The following CHST8 variants were observed in gnomAD, a reference collection of about 807,000 sequenced individuals.
CHST8 encodes GALNAC-4-ST1.
CHST8 carries 10 observed loss-of-function variants against 15.0 expected under a neutral mutation model. The ratio of observed to expected loss-of-function variants is 0.67; its 90% CI spans 0.41 to 1.13. The LOEUF is 1.13. Among genes scored for constraint, CHST8 ranks in the 50% most tolerant of loss-of-function variants. The pLI, the probability that CHST8 is intolerant of heterozygous loss-of-function variation, is 0.00. For missense variants in CHST8, 634 were observed against 608.2 expected (o/e 1.04, Z -0.45); for synonymous variants, 259 against 256.6 (o/e 1.01, Z -0.09).
chr19:33,652,325 G>T (rs1326437662), intron 1 of CHST8, among the ~76,000 whole-genome samples: 1 of 143,438 alleles, frequency 7.0e-6, no homozygotes, highest in African/African-American at 2.6e-5. Flanking sequence ...AAGTTTAGTT[G>T]GTTTTCTTTT....
At chr19:33,674,045 C>T (rs961875667) in intron 2 of CHST8, among the ~76,000 whole-genome samples, 4 of 152,238 alleles carry the variant, frequency 2.6e-5, no homozygotes, top group Non-Finnish European at 5.9e-5. Flanking sequence ...TAAGCCACCG[C>T]ACCCAGCCTT....
chr19:33,683,389 T>C (rs760439854), intron 2 of CHST8, among the ~76,000 whole-genome samples: 1 of 152,224 alleles, frequency 6.6e-6, no homozygotes, highest in Non-Finnish European at 1.5e-5. Context: ...CTGAAATCTG[T>C]CATACTGACA....
rs1289340547 is a variant in CHST8, at chr19:33,647,206, G to A, written c.-163-20561G>A. Among the ~76,000 whole-genome samples, 8 of 152,322 alleles carry A rather than the reference G, an allele frequency of 5.3e-5. No homozygotes were observed. The East Asian group carries it at 7.7e-4, about 15-fold the overall frequency. On this transcript the variant is annotated intron_variant, in intron 1 of 4. Transcript: ENST00000650847. ...ACAAAGAGGACCAATAACTGAGAGCGGGAATATTCCAACGCGAAGACTCCA... is the reference window on the plus strand; with the variant it reads ...ACAAAGAGGACCAATAACTGAGAGCAGGAATATTCCAACGCGAAGACTCCA...
rs114172317 is a variant in CHST8, at chr19:33,646,236, G to T, written c.-163-21531G>T. 4.2e-3 allele frequency among the ~76,000 whole-genome samples: 637 copies of T among 152,326 alleles called. 6 individuals are homozygous for T. Among genetic ancestry groups the T allele is most frequent in the African/African-American group, 0.015 (613 of 41,576 alleles). On this transcript the variant is annotated intron_variant, in intron 1 of 4. Transcript: ENST00000650847. ...TGGAGGCTAGAGTCTTTCAAGGATA[G>T]TTTGGTGGACAGGGTACTAGGGAAT...
At chr19:33,761,413 T>C (rs1038431708) in intron 3 of CHST8, among the ~76,000 whole-genome samples, 1 of 151,884 alleles carries the variant, frequency 6.6e-6, no homozygotes, top group Non-Finnish European at 1.5e-5. Context: ...CACTGCAACC[T>C]CCACCTCCCA....
chr19:33,770,711 C>T (rs556560015), intron 3 of CHST8, among the ~76,000 whole-genome samples: 1 of 152,306 alleles, frequency 6.6e-6, no homozygotes, highest in Non-Finnish European at 1.5e-5. Flanking sequence ...TTCCTGAGGT[C>T]ATCAGTAAGT....
intron 1 of CHST8, among the ~76,000 whole-genome samples, chr19:33,628,396 G>A (rs1011392506): frequency 1.3e-5 from 2 of 152,220 alleles, no homozygotes; most frequent in African/African-American, 4.8e-5. Flanking sequence ...GAAGACCAGC[G>A]AGGCTGGAGC....
chr19:33,686,735 C>T (rs755439761), intron 2 of CHST8, among the ~76,000 whole-genome samples: 6 of 152,192 alleles, frequency 3.9e-5, no homozygotes, highest in Non-Finnish European at 8.8e-5. Flanking sequence ...CTGCAGGAAG[C>T]GCACCCACAC....
intron 3 of CHST8, among the ~76,000 whole-genome samples, chr19:33,765,070 A>ATATATATATGTATGTATG (rs71181381): frequency 8.8e-6 from 1 of 113,154 alleles, no homozygotes; most frequent in African/African-American, 4.2e-5. Context: ...ATATATATAT[A>ATATATATATGTATGTATG]TATCAGAGTT....
intron 1 of CHST8, among the ~76,000 whole-genome samples, chr19:33,664,539 G>A (rs146979339): frequency 0.015 from 2,198 of 147,576 alleles, 39 homozygotes; most frequent in African/African-American, 0.051. Context: ...GAGAACATGC[G>A]GTGTTTGGTT....
chr19:33,715,916 T>C (rs750261827), intron 3 of CHST8, among the ~76,000 whole-genome samples: 3 of 152,210 alleles, frequency 2.0e-5, no homozygotes, highest in Non-Finnish European at 2.9e-5. Context: ...AGGAAGTCCA[T>C]AGAGGCTTTA....
At chr19:33,757,076 CT>C (rs1974560911) in intron 3 of CHST8, among the ~76,000 whole-genome samples, 1 of 152,130 alleles carries the variant, frequency 6.6e-6, no homozygotes, top group Admixed American at 6.5e-5. Context: ...CTACAGGGTG[CT>C]GGGCTGGGCG....
chr19:33,696,069 C>T (rs1441311873), intron 3 of CHST8, among the ~76,000 whole-genome samples: 1 of 151,874 alleles, frequency 6.6e-6, no homozygotes, highest in Non-Finnish European at 1.5e-5. Context: ...CAGGTGATCC[C>T]CCCACCTCAG....
chr19:33,640,931 G>A (rs1231429544), intron 1 of CHST8, among the ~76,000 whole-genome samples: 2 of 152,110 alleles, frequency 1.3e-5, no homozygotes, highest in Non-Finnish European at 2.9e-5. Context: ...ACTGCCCTGG[G>A]CCCCAGGGAG....
chr19:33,718,518 C>G, intron 3 of CHST8, among the ~76,000 whole-genome samples: 1 of 152,202 alleles, frequency 6.6e-6, no homozygotes, highest in East Asian at 1.9e-4. Flanking sequence ...CTAGCATGTC[C>G]CCTTCACCCT....
intron 3 of CHST8, among the ~76,000 whole-genome samples, chr19:33,705,249 C>G (rs1010859900): frequency 6.6e-6 from 1 of 152,202 alleles, no homozygotes; most frequent in Non-Finnish European, 1.5e-5. Context: ...CCAAGCGGTC[C>G]ATGAGCAGAG....
intron 1 of CHST8, among the ~76,000 whole-genome samples, chr19:33,630,306 C>T (rs1202106162): frequency 6.6e-6 from 1 of 152,196 alleles, no homozygotes; most frequent in Non-Finnish European, 1.5e-5. Flanking sequence ...AGGAGGAGCT[C>T]GGCATGGAGA....
rs892947767 is a variant in CHST8 at position 33,689,165 on chromosome 19, C to T, written c.-86-11C>T. The stretch of plus-strand genomic sequence containing the variant: ...CGCCTCGGTGATGACTATCCCTCCT[C>T]TGCCCCGTAGATCTCGGCCTGATGG... On this transcript the variant is annotated splice_polypyrimidine_tract_variant and intron_variant, in intron 2 of 4. Coordinates refer to ENST00000650847, the MANE Select transcript of CHST8 (RefSeq NM_001127895.2). 7.1e-7 allele frequency: 1 copy of T among 1,413,092 alleles called. No individual in the cohort carries two copies. The highest frequency in any genetic ancestry group is 1.6e-5 in the South Asian group (1 of 64,326). The allele number at this position is 1,413,092 out of a possible 1,614,324, so 87.5% of individuals were successfully genotyped here.
intron 3 of CHST8, among the ~76,000 whole-genome samples, chr19:33,700,153 C>CT (rs34460311): frequency 6.6e-6 from 1 of 152,212 alleles, no homozygotes; most frequent in Non-Finnish European, 1.5e-5. Context: ...CTGCTTTCCC[C>CT]GGGCAGGTGG....
Sources: allele counts gnomAD v4.1 joint callset (sites outside exome capture counted in the v4.1 genomes callset), GRCh38; gene constraint gnomAD v4.1.1; transcripts MANE v1.5; gene names NCBI Gene and HGNC (gene_info 2026-07-23, HGNC 2026-07-21).